The following NRG3 variants were observed in gnomAD, a reference collection of about 807,000 sequenced individuals.
NRG3 encodes neuregulin 3.
Under a neutral mutation model 66.9 loss-of-function variants are expected in NRG3, and 31 were observed. The observed-to-expected ratio is 0.46, with a 90% confidence interval of 0.35 to 0.63. NRG3 has a LOEUF of 0.63. NRG3 is among the 20% of genes least tolerant of loss of function. NRG3 has a pLI of 0.00. For missense variants in NRG3, 910 were observed against 878.9 expected (o/e 1.04, Z -0.45); for synonymous variants, 393 against 359.4 (o/e 1.09, Z -1.06).
chr10:82,568,987 T>C (rs1037403290), intron 2 of NRG3, among the ~76,000 whole-genome samples: 6 of 151,792 alleles, frequency 4.0e-5, no homozygotes, highest in African/African-American at 1.2e-4. Context: ...TTCTAACATG[T>C]CAGGTTCTCA....
intron 1 of NRG3, among the ~76,000 whole-genome samples, chr10:81,926,649 A>G (rs1308582405): frequency 6.6e-6 from 1 of 152,074 alleles, no homozygotes; most frequent in Non-Finnish European, 1.5e-5. Flanking sequence ...CCAATCTTTT[A>G]TTGTGGAAGT....
chr10:82,807,235 A>G (rs1032210661), intron 3 of NRG3, among the ~76,000 whole-genome samples: 1 of 152,234 alleles, frequency 6.6e-6, no homozygotes, highest in African/African-American at 2.4e-5. Flanking sequence ...AATGATATCT[A>G]ATTTTTGACT....
intron 2 of NRG3, among the ~76,000 whole-genome samples, chr10:82,375,104 A>T (rs2085130439): frequency 6.6e-6 from 1 of 152,250 alleles, no homozygotes. Flanking sequence ...CCCAAACAGT[A>T]GAACTTTTAA....
intron 1 of NRG3, among the ~76,000 whole-genome samples, chr10:82,018,914 G>A (rs899344536): frequency 2.0e-5 from 3 of 151,850 alleles, no homozygotes; most frequent in Admixed American, 1.3e-4. Context: ...TTTCCTAATC[G>A]AATACACTTT....
chr10:82,068,156 T>C (rs1440254509), intron 1 of NRG3, among the ~76,000 whole-genome samples: 2 of 152,194 alleles, frequency 1.3e-5, no homozygotes, highest in African/African-American at 4.8e-5. Context: ...GGAGAAACCA[T>C]CCTTCCTTTT....
chr10:82,794,636 G>C (rs1001833723), intron 3 of NRG3, among the ~76,000 whole-genome samples: 1 of 152,154 alleles, frequency 6.6e-6, no homozygotes, highest in Non-Finnish European at 1.5e-5. Flanking sequence ...GTACCTAAGA[G>C]CTGGGCTTGG....
At chr10:81,989,463 G>A (rs1384174602) in intron 1 of NRG3, among the ~76,000 whole-genome samples, 2 of 152,088 alleles carry the variant, frequency 1.3e-5, no homozygotes, top group Non-Finnish European at 2.9e-5. Context: ...AAACGCAAAA[G>A]TGACTGTGAT....
chr10:82,338,205 G>A (rs1350351625), intron 1 of NRG3, among the ~76,000 whole-genome samples: 1 of 152,208 alleles, frequency 6.6e-6, no homozygotes, highest in African/African-American at 2.4e-5. Flanking sequence ...GTTGTAGGTA[G>A]TGCACTTGTG....
At chr10:82,662,331 G>A (rs1032713274) in intron 2 of NRG3, among the ~76,000 whole-genome samples, 2 of 151,554 alleles carry the variant, frequency 1.3e-5, no homozygotes, top group Middle Eastern at 3.4e-3. Context: ...AACTTTTAAA[G>A]TCATCAGCAA....
intron 1 of NRG3, among the ~76,000 whole-genome samples, chr10:81,949,234 A>T (rs930756793): frequency 1.3e-5 from 2 of 152,050 alleles, no homozygotes; most frequent in Admixed American, 6.6e-5. Flanking sequence ...CTTCAGTGTG[A>T]CCCAAGGCCC....
chr10:82,832,376 C>T (rs2062568744), intron 3 of NRG3, among the ~76,000 whole-genome samples: 1 of 152,100 alleles, frequency 6.6e-6, no homozygotes, highest in Non-Finnish European at 1.5e-5. Context: ...CTGATCAGTC[C>T]ACGTACTCTT....
chr10:82,775,157 T>C (rs931007913), intron 3 of NRG3, among the ~76,000 whole-genome samples: 1 of 151,748 alleles, frequency 6.6e-6, no homozygotes, highest in South Asian at 2.1e-4. Flanking sequence ...AAATTTGGGT[T>C]TAGTTTCGCT....
At chr10:81,887,742 C>T (rs907108570) in intron 1 of NRG3, among the ~76,000 whole-genome samples, 4 of 152,058 alleles carry the variant, frequency 2.6e-5, no homozygotes, top group Admixed American at 6.6e-5. Flanking sequence ...CAATGTTGGT[C>T]CAAAAGAGCC....
At chr10:82,710,977 T>C (rs1197319737) in intron 2 of NRG3, among the ~76,000 whole-genome samples, 3 of 152,224 alleles carry the variant, frequency 2.0e-5, no homozygotes, top group Non-Finnish European at 4.4e-5. Context: ...TTGCTATGTT[T>C]CACAGGCTGC....
intron 2 of NRG3, among the ~76,000 whole-genome samples, chr10:82,521,941 A>G (rs999677565): frequency 1.3e-5 from 2 of 151,966 alleles, no homozygotes; most frequent in African/African-American, 2.4e-5. Context: ...AGTTTTATCA[A>G]TGGGATTGCA....
chr10:82,181,677 A>G (rs978307473), intron 1 of NRG3, among the ~76,000 whole-genome samples: 1 of 151,894 alleles, frequency 6.6e-6, no homozygotes, highest in South Asian at 2.1e-4. Flanking sequence ...GTGACCTAAC[A>G]TGTAATCTAT....
At chr10:82,109,803 C>T (rs2067279372) in intron 1 of NRG3, among the ~76,000 whole-genome samples, 1 of 152,108 alleles carries the variant, frequency 6.6e-6, no homozygotes, top group East Asian at 1.9e-4. Flanking sequence ...AAATTCAGTA[C>T]TAGTATCCCC....
intron 2 of NRG3, among the ~76,000 whole-genome samples, chr10:82,652,976 CA>C (rs2051550140): frequency 6.6e-6 from 1 of 152,118 alleles, no homozygotes; most frequent in Non-Finnish European, 1.5e-5. Context: ...TTTAAGTAAC[CA>C]AATCAGGCTG....
Position 82,923,972 on chromosome 10 carries a change from C to T in NRG3, c.1055-27497C>T, listed in dbSNP as rs373940765. ...AATTAGCTGGGCATGGTGGCAGGCA[C>T]CTGTCATCCCAGCTACTCAGGAGGC... is the stretch of plus-strand genomic sequence containing the variant. On this transcript the variant is annotated intron_variant, in intron 4 of 8. Transcript: ENST00000372141. Among the ~76,000 whole-genome samples the T allele has an allele frequency of 1.4e-4, 22 of 151,784 alleles. No homozygotes were observed. The East Asian group carries it at 2.5e-3, about 17-fold the overall frequency.
Sources: allele counts gnomAD v4.1 joint callset (sites outside exome capture counted in the v4.1 genomes callset), GRCh38; gene constraint gnomAD v4.1.1; transcripts MANE v1.5; gene names NCBI Gene and HGNC (gene_info 2026-07-23, HGNC 2026-07-21).